The following GPR155 variants were observed in gnomAD, a reference collection of about 807,000 sequenced individuals.
GPR155 encodes G protein-coupled receptor 155.
GPR155 carries 65 observed loss-of-function variants against 93.1 expected under a neutral mutation model. The observed-to-expected ratio is 0.70, with a 90% CI of 0.57 to 0.86. The LOEUF (loss-of-function observed/expected upper bound fraction) is 0.86. GPR155 is among the 40% of genes least tolerant of loss of function. The pLI is 0.00. For synonymous variants in GPR155, 319 were observed against 360.1 expected, an observed-to-expected ratio of 0.89 and a Z score of 1.29; for missense variants, 838 against 1,034.8, an observed-to-expected ratio of 0.81 and a Z score of 2.61.
intron 2 of GPR155, among the ~76,000 whole-genome samples, chr2:174,481,191 C>T (rs1168136071): frequency 6.6e-6 from 1 of 152,116 alleles, no homozygotes; most frequent in Non-Finnish European, 1.5e-5. Context: ...ACTTTTTTAA[C>T]ATAATTTAAA....
At chr2:174,482,008 A>G in intron 1 of GPR155, 21 bp from the exon 2 acceptor site, 2 of 1,224,884 alleles carry the variant, frequency 1.6e-6, no homozygotes, top group Non-Finnish European at 2.3e-6. Flanking sequence ...AGGAAGAAAG[A>G]TTCAGTATGG....
At chr2:174,445,802 T>A (rs956819172) in intron 12 of GPR155, among the ~76,000 whole-genome samples, 4 of 152,158 alleles carry the variant, frequency 2.6e-5, no homozygotes, top group Admixed American at 2.0e-4. Context: ...TTTGTAAGGG[T>A]CTATTATATG....
chr2:174,469,226 C>A (rs528121103), intron 4 of GPR155, among the ~76,000 whole-genome samples, 159 bp from the exon 5 acceptor site: 1 of 152,348 alleles, frequency 6.6e-6, no homozygotes, highest in East Asian at 1.9e-4. Flanking sequence ...CTTCCCCTTT[C>A]TGAGAATCCT....
In GPR155 at chr2:174,473,241, T is replaced by C. The variant is rs1688049796; in HGVS notation, c.584A>G (p.Asp195Gly). The C allele has an allele frequency of 6.2e-7, 1 of 1,613,734 alleles. No homozygotes were observed. The highest frequency in any genetic ancestry group is 1.3e-5 in the African/African-American group (1 of 74,898). ...FIFCEIQKWK[D>G]TQNASQNKIK... ...TTTATTTTGAGAAGCATTTTGAGTG[T>C]CTTTCCACTTTTGGATTTCACAGAA... is the stretch of plus-strand genomic sequence containing the variant. Residue 195 changes from aspartate (D) to glycine (G), a missense_variant, in exon 3 of 16, where the codon GAC (aspartate) becomes GGC (glycine). By Grantham distance (94) the Asp-to-Gly change is moderately conservative. Around this residue, in one of 3 missense-constraint regions of GPR155, gnomAD observed 663 missense variants for 790.1 expected, o/e 0.84. Transcript: ENST00000392552.
chr2:174,448,606 C>T (rs1217381003), intron 11 of GPR155, among the ~76,000 whole-genome samples: 2 of 144,512 alleles, frequency 1.4e-5, no homozygotes, highest in Non-Finnish European at 3.0e-5. Context: ...GGCGCAATCT[C>T]GGCTCACTGC....
At chr2:174,449,861 A>G (rs1687265261) in intron 11 of GPR155, among the ~76,000 whole-genome samples, 1 of 152,202 alleles carries the variant, frequency 6.6e-6, no homozygotes, top group Non-Finnish European at 1.5e-5. Flanking sequence ...CTGTAGTCCC[A>G]GCTACTCGGG....
chr2:174,436,456 C>A, intron 15 of GPR155, 40 bp from the exon 16 acceptor site: 1 of 1,586,522 alleles, frequency 6.3e-7, no homozygotes. Context: ...TTCTGTAAAT[C>A]TGGTATCAGC....
intron 7 of GPR155, among the ~76,000 whole-genome samples, chr2:174,465,518 G>A (rs1687813243): frequency 1.3e-5 from 2 of 152,078 alleles, no homozygotes; most frequent in Admixed American, 6.6e-5. Context: ...TCTCCAAAAG[G>A]GAGCAGCACT....
chr2:174,454,224 G>A (rs1483191528), intron 10 of GPR155, among the ~76,000 whole-genome samples: 2 of 152,106 alleles, frequency 1.3e-5, no homozygotes, highest in African/African-American at 2.4e-5. Context: ...TGCAACCTCC[G>A]CCTCCTGGGT....
At position 174,470,503 on chromosome 2, in the gene GPR155, C is replaced by G. The variant is rs760300507; in HGVS notation, c.913G>C (p.Asp305His). ...AAACTTGTATGGTTCACCACACTGT[C>G]GCCCTTGTCCAAGAGTTCCACCATT... The part of the protein sequence containing the change: ...REMVELLDKG[D>H]SVVNHTSLSN... The change falls in exon 4 of 16, where the codon GAC becomes CAC. Residue 305 changes from aspartate (D) to histidine (H), a missense_variant. Asp to His is a moderately conservative substitution (Grantham distance 81). Around this residue, in one of 3 missense-constraint regions of GPR155, gnomAD observed 663 missense variants for 790.1 expected, o/e 0.84. Coordinates refer to ENST00000392552, the MANE Select transcript of GPR155 (RefSeq NM_152529.7). 13 of 1,613,692 alleles carry G rather than the reference C, an allele frequency of 8.1e-6. No individual in the cohort carries two copies. Among genetic ancestry groups the G allele is most frequent in the Non-Finnish European group, 1.1e-5 (13 of 1,179,934 alleles).
chr2:174,479,923 C>T (rs1039433268), intron 2 of GPR155, among the ~76,000 whole-genome samples: 2 of 152,174 alleles, frequency 1.3e-5, no homozygotes, highest in Non-Finnish European at 2.9e-5. Flanking sequence ...TTTTTCCTGT[C>T]TCTTAAACCT....
chr2:174,450,829 T>G (rs1378452774), intron 11 of GPR155, among the ~76,000 whole-genome samples: 1 of 152,216 alleles, frequency 6.6e-6, no homozygotes, highest in African/African-American at 2.4e-5. Context: ...AGGCCATGTA[T>G]ACCCATTAAA....
intron 2 of GPR155, among the ~76,000 whole-genome samples, chr2:174,480,164 G>C (rs1377208088): frequency 1.3e-5 from 2 of 152,178 alleles, no homozygotes; most frequent in East Asian, 3.8e-4. Flanking sequence ...TCAAGTCTCT[G>C]CTCAGAAGAC....
In GPR155 at chr2:174,470,568, G is replaced by A; in HGVS notation, c.861-13C>T. The A allele has an allele frequency of 6.2e-7, 1 of 1,606,952 alleles. No individual in the cohort carries two copies. The highest frequency in any genetic ancestry group is 8.5e-7 in the Non-Finnish European group (1 of 1,177,754). On this transcript the variant is annotated splice_polypyrimidine_tract_variant and intron_variant, in intron 3 of 15. Coordinates refer to ENST00000392552, the MANE Select transcript of GPR155 (RefSeq NM_152529.7). ...TGGCAGCACCAGACTGAAGAAAAAA[G>A]AAAAACATCATTTACCTGATATCAA...
Position 174,486,922 on chromosome 2 carries a change from G to T in GPR155, c.-81C>A, listed in dbSNP as rs1482637378. 2 of 152,552 alleles carry T rather than the reference G, an allele frequency of 1.3e-5. No individual in the cohort carries two copies. The highest frequency in any genetic ancestry group is 2.9e-5 in the Non-Finnish European group (2 of 68,352). The allele number at this position is 152,552 out of a possible 1,614,324, so 9.4% of individuals were successfully genotyped here. A position where few individuals can be genotyped will look rare whatever the true frequency, so the allele number is the denominator to read the frequency against. ...GGCGAGGAGAAGGGAGCTGGTGCTC[G>T]CAGGGTGCCAAGCAGGGAGAAGACC... is the stretch of plus-strand genomic sequence containing the variant. On this transcript the variant is annotated 5_prime_UTR_variant, in exon 1 of 16. Coordinates refer to ENST00000392552, the MANE Select transcript of GPR155 (RefSeq NM_152529.7).
Position 174,438,341 on chromosome 2 carries a change from C to T in GPR155, c.2312+1557G>A, listed in dbSNP as rs151186922. Among the ~76,000 whole-genome samples the T allele has an allele frequency of 7.7e-4, 117 of 152,296 alleles. 1 individual carries two copies. Among genetic ancestry groups the T allele is most frequent in the Middle Eastern group, 3.4e-3 (1 of 294 alleles). ...GAAAGGGGCAGGAAACAGGCTGGCA[C>T]GCTCCCAGCCAGTGTCCATTCAGCC... On this transcript the variant is annotated intron_variant, in intron 15 of 15. Coordinates refer to ENST00000392552, the MANE Select transcript of GPR155 (RefSeq NM_152529.7).
intron 2 of GPR155, among the ~76,000 whole-genome samples, chr2:174,474,898 T>C (rs1396499152): frequency 6.6e-6 from 1 of 152,020 alleles, no homozygotes; most frequent in Non-Finnish European, 1.5e-5. Context: ...TACAATCTAA[T>C]GCAAATAAAG....
At chr2:174,443,703 G>A (rs1687033457) in intron 13 of GPR155, among the ~76,000 whole-genome samples, 2 of 151,790 alleles carry the variant, frequency 1.3e-5, no homozygotes, top group African/African-American at 2.4e-5. Flanking sequence ...CAGCCTGGAT[G>A]ACAGAATGAG....
chr2:174,486,364 G>A (rs1228552101), intron 1 of GPR155, among the ~76,000 whole-genome samples: 1 of 152,196 alleles, frequency 6.6e-6, no homozygotes, highest in Non-Finnish European at 1.5e-5. Flanking sequence ...AGCTGTGGAA[G>A]TGGAAAGGCA....
Sources: gnomAD v4.1 joint callset for allele counts (sites outside exome capture counted in the v4.1 genomes callset) on GRCh38, gnomAD v4.1.1 for gene constraint, gnomAD v4.1.1 regional missense constraint, MANE v1.5 for transcripts, NCBI Gene and HGNC (gene_info 2026-07-23, HGNC 2026-07-21) for gene names.